Variants in PLD5 observed in about 807,000 individuals in gnomAD.
PLD5 encodes inactive phospholipase D5.
Under a neutral mutation model 61.1 loss-of-function variants are expected in PLD5, and 36 were observed. The ratio of observed to expected loss-of-function variants is 0.59; its 90% CI spans 0.45 to 0.78. The LOEUF (loss-of-function observed/expected upper bound fraction) is 0.78. Ranked by LOEUF, PLD5 falls within the 30% of genes least tolerant of loss-of-function variation. The pLI, the probability that PLD5 is intolerant of heterozygous loss-of-function variation, is 0.00. For missense variants in PLD5, 515 were observed against 644.4 expected (o/e 0.80, Z 2.17); for synonymous variants, 243 against 242.8 (o/e 1.00, Z -0.01).
chr1:242,141,480 G>A (rs945916164), intron 5 of PLD5, among the ~76,000 whole-genome samples: 9 of 152,224 alleles, frequency 5.9e-5, no homozygotes, highest in South Asian at 2.1e-4. Context: ...AAAAGTCCGC[G>A]TCTTGTCTTT....
At chr1:242,522,568 G>A (rs900797881) in intron 1 of PLD5, among the ~76,000 whole-genome samples, 31 of 152,216 alleles carry the variant, frequency 2.0e-4, no homozygotes, top group African/African-American at 7.2e-4. Flanking sequence ...CATTCAGAGT[G>A]AAACTAAAAC....
chr1:242,230,165 A>G (rs1671210073), intron 4 of PLD5, among the ~76,000 whole-genome samples: 1 of 152,238 alleles, frequency 6.6e-6, no homozygotes, highest in Admixed American at 6.5e-5. Flanking sequence ...GAAGCCCTGC[A>G]TTAAAGCTGC....
chr1:242,163,720 A>C (rs995711659), intron 5 of PLD5, among the ~76,000 whole-genome samples: 1 of 152,092 alleles, frequency 6.6e-6, no homozygotes, highest in African/African-American at 2.4e-5. Context: ...TCTACCATTC[A>C]GCAAAGTAAG....
chr1:242,509,828 G>T (rs1164924911), intron 1 of PLD5, among the ~76,000 whole-genome samples: 1 of 152,140 alleles, frequency 6.6e-6, no homozygotes, highest in Admixed American at 6.5e-5. Flanking sequence ...GGAATTACTC[G>T]GCGGCTTATT....
intron 1 of PLD5, among the ~76,000 whole-genome samples, chr1:242,404,943 G>A (rs1182888930): frequency 1.5e-5 from 2 of 136,500 alleles, no homozygotes; most frequent in Admixed American, 8.2e-5. Context: ...GCAGTGGCGT[G>A]ATCTTGGCTC....
At chr1:242,245,762 TCCAAGCA>T (rs1672317207) in intron 4 of PLD5, among the ~76,000 whole-genome samples, 1 of 152,138 alleles carries the variant, frequency 6.6e-6, no homozygotes, top group South Asian at 2.1e-4. Flanking sequence ...GGCTGCATAT[TCCAAGCA>T]CAGATTTGCT....
intron 4 of PLD5, among the ~76,000 whole-genome samples, chr1:242,235,221 C>T (rs934222222): frequency 1.3e-5 from 2 of 152,166 alleles, no homozygotes; most frequent in African/African-American, 2.4e-5. Context: ...GATTTGGCCA[C>T]ATCCAGAGGC....
At chr1:242,145,744 G>A (rs1277215216) in intron 5 of PLD5, among the ~76,000 whole-genome samples, 1 of 152,100 alleles carries the variant, frequency 6.6e-6, no homozygotes, top group Admixed American at 6.5e-5. Context: ...ATGATCTTGT[G>A]TCACTGCAAC....
At chr1:242,480,460 G>C (rs1333808392) in intron 1 of PLD5, among the ~76,000 whole-genome samples, 4 of 151,596 alleles carry the variant, frequency 2.6e-5, no homozygotes. Context: ...TTCTTAAAGA[G>C]GATATAAACA....
At chr1:242,462,124 G>A (rs1667138178) in intron 1 of PLD5, among the ~76,000 whole-genome samples, 1 of 152,030 alleles carries the variant, frequency 6.6e-6, no homozygotes, top group South Asian at 2.1e-4. Context: ...GCTTTTGAGG[G>A]CTTTGCCAAA....
intron 5 of PLD5, among the ~76,000 whole-genome samples, chr1:242,142,420 TG>T (rs1430548098): frequency 1.3e-5 from 2 of 152,226 alleles, no homozygotes; most frequent in Non-Finnish European, 1.5e-5. Flanking sequence ...GACTTACATG[TG>T]GCCTGTACAA....
At position 242,174,670 on chromosome 1, in the gene PLD5, T is replaced by C. The variant is rs1367975426; in HGVS notation, c.735+45318A>G. On this transcript the variant is annotated intron_variant, in intron 5 of 9. Coordinates refer to ENST00000536534, the MANE Select transcript of PLD5 (RefSeq NM_001372062.1). ...AACCCAAATGTCCATCAATGATAGA[T>C]TGGATTAAGAAAACATGGCACATAT... Among the ~76,000 whole-genome samples, 15 of 152,166 alleles carry C rather than the reference T, an allele frequency of 9.9e-5. No individual in the cohort carries two copies. The South Asian group carries it at 1.7e-3, about 17-fold the overall frequency.
chr1:242,443,302 A>C (rs965612794), intron 1 of PLD5, among the ~76,000 whole-genome samples: 31 of 152,204 alleles, frequency 2.0e-4, no homozygotes, highest in Non-Finnish European at 4.4e-5. Flanking sequence ...GCACTTTTGC[A>C]ACACAAGCTA....
chr1:242,303,416 C>T (rs1676174526), intron 2 of PLD5, among the ~76,000 whole-genome samples: 1 of 152,176 alleles, frequency 6.6e-6, no homozygotes, highest in Admixed American at 6.5e-5. Flanking sequence ...TTAAGCCAGA[C>T]TTATCTAGAG....
intron 4 of PLD5, among the ~76,000 whole-genome samples, chr1:242,235,076 C>T (rs960003408): frequency 2.6e-5 from 4 of 152,170 alleles, no homozygotes; most frequent in Admixed American, 6.5e-5. Flanking sequence ...GAAGCACCTG[C>T]GTGACAAAAG....
chr1:242,512,812 G>T (rs1668971140), intron 1 of PLD5, among the ~76,000 whole-genome samples: 1 of 152,102 alleles, frequency 6.6e-6, no homozygotes, highest in Admixed American at 6.5e-5. Context: ...CTGTGTGAAT[G>T]CCTAATCAGT....
chr1:242,226,599 T>A (rs927684748), intron 4 of PLD5, among the ~76,000 whole-genome samples: 4 of 152,214 alleles, frequency 2.6e-5, no homozygotes, highest in African/African-American at 9.6e-5. Flanking sequence ...GCTACAAATA[T>A]GCTAACTGAT....
intron 1 of PLD5, among the ~76,000 whole-genome samples, chr1:242,390,347 T>C (rs565509404): frequency 6.6e-6 from 1 of 152,342 alleles, no homozygotes; most frequent in South Asian, 2.1e-4. Context: ...TCTGGTCAAC[T>C]GAAGCAGAGA....
At chr1:242,435,356 T>G (rs183203770) in intron 1 of PLD5, among the ~76,000 whole-genome samples, 4 of 149,496 alleles carry the variant, frequency 2.7e-5, no homozygotes, top group African/African-American at 1.0e-4. Flanking sequence ...TGCCATAATC[T>G]TTTTGTGATC....
Sources: gnomAD v4.1 joint callset for allele counts (sites outside exome capture counted in the v4.1 genomes callset) on GRCh38, gnomAD v4.1.1 for gene constraint, MANE v1.5 for transcripts, NCBI Gene and HGNC (gene_info 2026-07-23, HGNC 2026-07-21) for gene names.